PLD5: variants seen among roughly 807,000 people sequenced by gnomAD.
The protein encoded by PLD5 is phospholipase D family member 5, also known as inactive phospholipase D5.
Under a neutral mutation model 61.1 loss-of-function variants are expected in PLD5, and 36 were observed. The observed-to-expected ratio is 0.59, with a 90% CI of 0.45 to 0.78. The LOEUF is 0.78. PLD5 is among the 30% of genes least tolerant of loss of function. The probability of loss-of-function intolerance (pLI) is 0.00; values close to 1 mark genes in which losing one functional copy is unlikely to be tolerated. For missense variants in PLD5, 515 were observed against 644.4 expected (o/e 0.80, Z 2.17); for synonymous variants, 243 against 242.8 (o/e 1.00, Z -0.01).
At chr1:242,412,115 C>A (rs1664589535) in intron 1 of PLD5, among the ~76,000 whole-genome samples, 1 of 152,098 alleles carries the variant, frequency 6.6e-6, no homozygotes, top group African/African-American at 2.4e-5. Flanking sequence ...CTCATCCTGT[C>A]TTTATTCTCT....
At chr1:242,274,507 C>G (rs552803075) in intron 3 of PLD5, among the ~76,000 whole-genome samples, 118 of 152,332 alleles carry the variant, frequency 7.7e-4, no homozygotes, top group Middle Eastern at 3.4e-3. Context: ...GTAATCCCAG[C>G]ATTTTGGGAG....
chr1:242,294,877 G>A (rs1675562134), intron 2 of PLD5, among the ~76,000 whole-genome samples: 1 of 152,036 alleles, frequency 6.6e-6, no homozygotes, highest in Non-Finnish European at 1.5e-5. Flanking sequence ...TGGCTAAAAG[G>A]AGCCTTAGAA....
intron 2 of PLD5, among the ~76,000 whole-genome samples, chr1:242,291,235 T>C (rs149664263): frequency 0.022 from 3,364 of 152,160 alleles, 98 homozygotes; most frequent in African/African-American, 0.072. Flanking sequence ...GGCTTCCTTA[T>C]ACCCCCAAAC....
chr1:242,199,959 A>G (rs1668881071), intron 5 of PLD5, among the ~76,000 whole-genome samples: 1 of 152,186 alleles, frequency 6.6e-6, no homozygotes, highest in Non-Finnish European at 1.5e-5. Context: ...TCTGGCTATT[A>G]TGAATACTGC....
At chr1:242,297,206 T>C (rs1327340337) in intron 2 of PLD5, among the ~76,000 whole-genome samples, 2 of 151,976 alleles carry the variant, frequency 1.3e-5, no homozygotes, top group Non-Finnish European at 2.9e-5. Flanking sequence ...TAGCTGGGCA[T>C]GGTGGCATGT....
At chr1:242,225,074 A>G (rs775813181) in intron 4 of PLD5, among the ~76,000 whole-genome samples, 3 of 152,232 alleles carry the variant, frequency 2.0e-5, no homozygotes, top group Non-Finnish European at 4.4e-5. Flanking sequence ...TAGAGTATGC[A>G]GCCCTCTGAA....
At chr1:242,520,596 T>G (rs1669249984) in intron 1 of PLD5, among the ~76,000 whole-genome samples, 1 of 152,180 alleles carries the variant, frequency 6.6e-6, no homozygotes, top group African/African-American at 2.4e-5. Flanking sequence ...GGCATCTCCA[T>G]CTTCATAAAT....
intron 5 of PLD5, among the ~76,000 whole-genome samples, chr1:242,188,087 C>A (rs1417215807): frequency 1.3e-5 from 2 of 152,252 alleles, no homozygotes; most frequent in Admixed American, 6.5e-5. Flanking sequence ...CAGAGTAGAG[C>A]ACTGGGGGCA....
intron 5 of PLD5, among the ~76,000 whole-genome samples, chr1:242,212,145 C>G (rs1214878062): frequency 2.0e-5 from 3 of 152,120 alleles, no homozygotes; most frequent in Non-Finnish European, 4.4e-5. Context: ...GCTTTACCAC[C>G]TCCTCTTCCC....
At chr1:242,448,976 A>G (rs961965552) in intron 1 of PLD5, among the ~76,000 whole-genome samples, 3 of 152,236 alleles carry the variant, frequency 2.0e-5, no homozygotes, top group Admixed American at 6.5e-5. Flanking sequence ...AAACATATCG[A>G]GAAAACAGAC....
intron 1 of PLD5, among the ~76,000 whole-genome samples, chr1:242,360,943 A>T (rs987199365): frequency 3.3e-5 from 5 of 152,152 alleles, no homozygotes; most frequent in African/African-American, 1.2e-4. Context: ...GGAAAATATA[A>T]TTAGTTACCT....
At chr1:242,120,203 G>T (rs1574334714) in intron 6 of PLD5, among the ~76,000 whole-genome samples, 1 of 152,110 alleles carries the variant, frequency 6.6e-6, no homozygotes. Context: ...TCAGTATGGG[G>T]TTTTTTCTTT....
chr1:242,353,083 G>A (rs373112655), intron 1 of PLD5, among the ~76,000 whole-genome samples: 1 of 151,906 alleles, frequency 6.6e-6, no homozygotes, highest in East Asian at 1.9e-4. Context: ...CTGTGCTTTC[G>A]AGGTGAAATG....
intron 5 of PLD5, among the ~76,000 whole-genome samples, chr1:242,162,597 T>A (rs1665928327): frequency 6.6e-6 from 1 of 152,084 alleles, no homozygotes; most frequent in Non-Finnish European, 1.5e-5. Flanking sequence ...TTGCCCAGGG[T>A]TGAGATCTTA....
Position 242,104,297 on chromosome 1 carries a change from C to CTT in PLD5, c.1239+3372_1239+3373dup, listed in dbSNP as rs368132707. On this transcript the variant is annotated intron_variant, in intron 8 of 9. Transcript: ENST00000536534. ...CACCACCACACCTGGCTAGTTTTTG[C>CTT]TTTTTTTTTTTTTTTTTGTAGAAAT... is the stretch of plus-strand genomic sequence containing the variant. Among the ~76,000 whole-genome samples, 104 of 129,552 alleles carry CTT rather than the reference C, an allele frequency of 8.0e-4. 1 individual carries two copies. Among genetic ancestry groups the CTT allele is most frequent in the African/African-American group, 2.8e-3 (97 of 34,782 alleles). The allele number at this position is 129,552 out of a possible 152,430, so 85.0% of individuals were successfully genotyped here.
intron 3 of PLD5, among the ~76,000 whole-genome samples, chr1:242,282,428 C>G (rs1336939964): frequency 1.3e-5 from 2 of 152,072 alleles, no homozygotes; most frequent in Non-Finnish European, 2.9e-5. Context: ...GCTCGTACTT[C>G]CCAAAAACAA....
At chr1:242,461,853 A>G (rs1185172680) in intron 1 of PLD5, among the ~76,000 whole-genome samples, 2 of 151,980 alleles carry the variant, frequency 1.3e-5, no homozygotes, top group African/African-American at 2.4e-5. Context: ...GACGCTAAGC[A>G]TTTTTCCATG....
chr1:242,220,707 A>T (rs930176397), intron 4 of PLD5, among the ~76,000 whole-genome samples: 1 of 108,354 alleles, frequency 9.2e-6, no homozygotes, highest in Non-Finnish European at 2.0e-5. Flanking sequence ...TTTTTAATTT[A>T]TATTTTATTT....
intron 9 of PLD5, among the ~76,000 whole-genome samples, chr1:242,091,771 T>C (rs1659842674): frequency 6.6e-6 from 1 of 152,100 alleles, no homozygotes; most frequent in Non-Finnish European, 1.5e-5. Context: ...TTGCTTTCTG[T>C]GGACGCCCTA....
Sources: gnomAD v4.1 joint callset for allele counts (sites outside exome capture counted in the v4.1 genomes callset) on GRCh38, gnomAD v4.1.1 for gene constraint, MANE v1.5 for transcripts, NCBI Gene and HGNC (gene_info 2026-07-23, HGNC 2026-07-21) for gene names.